The following ARB2A variants were observed in gnomAD, a reference collection of about 807,000 sequenced individuals.
ARB2A encodes the protein ARB2 cotranscriptional regulator A.
chr5:93,701,347 T>A, the ARB2A span, among the ~76,000 whole-genome samples: 2 of 152,154 alleles, frequency 1.3e-5, no homozygotes, highest in Non-Finnish European at 2.9e-5. Flanking sequence ...CGCATATCTG[T>A]TTTGATAAAA....
the ARB2A span, among the ~76,000 whole-genome samples, chr5:94,068,932 G>T: frequency 3.2e-4 from 49 of 151,558 alleles, no homozygotes; most frequent in African/African-American, 1.1e-3. Flanking sequence ...CTACTCAGGA[G>T]GCTGAGACTA....
At chr5:93,716,693 C>CAAAAAAAAA in the ARB2A span, among the ~76,000 whole-genome samples, 6 of 36,676 alleles carry the variant, frequency 1.6e-4, no homozygotes, top group African/African-American at 1.6e-4. Flanking sequence ...ATAAGCTGTG[C>CAAAAAAAAA]AAAAAAAAAA....
the ARB2A span, among the ~76,000 whole-genome samples, chr5:93,842,343 A>G: frequency 6.6e-6 from 1 of 152,170 alleles, no homozygotes; most frequent in African/African-American, 2.4e-5. Flanking sequence ...AGTAGAGCTG[A>G]GCAATTGGGA....
chr5:94,052,460 A>G, the ARB2A span, among the ~76,000 whole-genome samples: 12 of 152,314 alleles, frequency 7.9e-5, no homozygotes, highest in Non-Finnish European at 1.6e-4. Flanking sequence ...AATATCCACA[A>G]ATACAGTGAT....
At chr5:93,810,370 T>C in the ARB2A span, among the ~76,000 whole-genome samples, 2 of 151,956 alleles carry the variant, frequency 1.3e-5, no homozygotes, top group Non-Finnish European at 2.9e-5. Context: ...GAGTTAAACT[T>C]AGGTTGTACA....
chr5:93,910,385 A>G, the ARB2A span, among the ~76,000 whole-genome samples: 126 of 151,320 alleles, frequency 8.3e-4, no homozygotes, highest in African/African-American at 3.0e-3. Flanking sequence ...AAATGCAGTA[A>G]CATATGTCCT....
the ARB2A span, among the ~76,000 whole-genome samples, chr5:93,948,212 G>T: frequency 6.6e-6 from 1 of 152,172 alleles, no homozygotes; most frequent in Non-Finnish European, 1.5e-5. Flanking sequence ...ATTCTAACTG[G>T]TTTGAGATGG....
At chr5:93,937,190 A>G in the ARB2A span, among the ~76,000 whole-genome samples, 2 of 151,794 alleles carry the variant, frequency 1.3e-5, no homozygotes, top group African/African-American at 4.8e-5. Flanking sequence ...AAGGTTTAAT[A>G]TAAGCAAATA....
chr5:93,898,068 T>C, the ARB2A span, among the ~76,000 whole-genome samples: 1 of 151,956 alleles, frequency 6.6e-6, no homozygotes, highest in Non-Finnish European at 1.5e-5. Context: ...GGAATCTATG[T>C]CCTCCAAAGA....
chr5:93,763,300 C>G, the ARB2A span, among the ~76,000 whole-genome samples: 2 of 152,008 alleles, frequency 1.3e-5, no homozygotes, highest in African/African-American at 2.4e-5. Context: ...TTCAGGAAAC[C>G]CATCTCACAT....
chr5:94,061,346 A>C, the ARB2A span, among the ~76,000 whole-genome samples: 1 of 152,338 alleles, frequency 6.6e-6, no homozygotes, highest in Admixed American at 6.5e-5. Flanking sequence ...AAAACTTACA[A>C]CTAACGTAAT....
the ARB2A span, among the ~76,000 whole-genome samples, chr5:93,655,824 A>G: frequency 6.6e-6 from 1 of 152,212 alleles, no homozygotes; most frequent in Non-Finnish European, 1.5e-5. Context: ...CCTTAGCTAA[A>G]GGAGAGCCAC....
the ARB2A span, among the ~76,000 whole-genome samples, chr5:93,689,706 T>C: frequency 2.6e-5 from 4 of 152,130 alleles, no homozygotes; most frequent in Non-Finnish European, 5.9e-5. Context: ...TCTTTTTTTT[T>C]TTTGAGACGG....
chr5:93,984,326 T>C, the ARB2A span, among the ~76,000 whole-genome samples: 4 of 152,196 alleles, frequency 2.6e-5, no homozygotes, highest in African/African-American at 4.8e-5. Flanking sequence ...GTTCAGATGC[T>C]ACTGACATTG....
At chr5:94,017,524 T>A in the ARB2A span, among the ~76,000 whole-genome samples, 10 of 152,218 alleles carry the variant, frequency 6.6e-5, no homozygotes, top group Non-Finnish European at 1.5e-4. Flanking sequence ...TGGTATCTGA[T>A]GGGGAATGCT....
chr5:93,909,535 C>A, the ARB2A span, among the ~76,000 whole-genome samples: 18 of 150,830 alleles, frequency 1.2e-4, no homozygotes, highest in Admixed American at 1.2e-3. Flanking sequence ...CTAAAACAAA[C>A]CTTTTTATTT....
At chr5:93,634,264 G>A in the ARB2A span, among the ~76,000 whole-genome samples, 1 of 151,926 alleles carries the variant, frequency 6.6e-6, no homozygotes, top group Non-Finnish European at 1.5e-5. Flanking sequence ...GCTGGGCGTG[G>A]TGGTGCGGGC....
the ARB2A span, among the ~76,000 whole-genome samples, chr5:93,957,780 C>T: frequency 3.9e-5 from 6 of 152,078 alleles, no homozygotes; most frequent in African/African-American, 1.4e-4. Context: ...GAACATGTTA[C>T]CTTTGACTTT....
At chr5:94,059,817 AT>A in the ARB2A span, among the ~76,000 whole-genome samples, 1 of 151,712 alleles carries the variant, frequency 6.6e-6, no homozygotes, top group Admixed American at 6.6e-5. Flanking sequence ...AGAAATAAAG[AT>A]TTTTTTTCAG....
Sources: gnomAD v4.1 joint callset for allele counts (sites outside exome capture counted in the v4.1 genomes callset) on GRCh38, gnomAD v4.1.1 for gene constraint, MANE v1.5 for transcripts, NCBI Gene and HGNC (gene_info 2026-07-23, HGNC 2026-07-21) for gene names.